The following ELOVL6 variants were observed in gnomAD, a reference collection of about 807,000 sequenced individuals.
ELOVL6 encodes the protein ELOVL fatty acid elongase 6.
In ELOVL6, 8 loss-of-function variants were observed where a neutral mutation model predicts 31.7. The ratio of observed to expected loss-of-function variants is 0.25; its 90% confidence interval spans 0.15 to 0.45. The LOEUF is 0.45. ELOVL6 is among the 20% of genes least tolerant of loss of function. ELOVL6 has a pLI of 1.00. For synonymous variants in ELOVL6, 101 were observed against 117.7 expected (o/e 0.86, Z 0.92); for missense variants, 126 against 326.4 (o/e 0.39, Z 4.73).
intron 1 of ELOVL6, among the ~76,000 whole-genome samples, chr4:110,158,573 C>CTA (rs1179125537): frequency 9.2e-5 from 12 of 130,574 alleles, no homozygotes; most frequent in Non-Finnish European, 1.9e-4. Context: ...ATATATACAT[C>CTA]TATATATATA....
At chr4:110,176,153 T>TATTG (rs1423518560) in intron 1 of ELOVL6, among the ~76,000 whole-genome samples, 2 of 151,438 alleles carry the variant, frequency 1.3e-5, no homozygotes, top group Non-Finnish European at 3.0e-5. Flanking sequence ...GTTTCTACCT[T>TATTG]ATTTATTTAT....
intron 1 of ELOVL6, among the ~76,000 whole-genome samples, chr4:110,141,855 G>GTATA (rs57733252): frequency 0.066 from 8,314 of 126,548 alleles, 368 homozygotes; most frequent in East Asian, 0.14. Context: ...AATACAATTA[G>GTATA]TATATATATA....
intron 2 of ELOVL6, among the ~76,000 whole-genome samples, chr4:110,084,019 A>T (rs13119447): frequency 1.1e-3 from 5 of 4,488 alleles, no homozygotes; most frequent in East Asian, 0.018. Context: ...ATGGTATATA[A>T]CATATGCCAT....
Position 110,084,588 on chromosome 4 carries a change from A to ATTTT in ELOVL6, c.221+20905_221+20908dup, listed in dbSNP as rs1168880044. ...GATATATATATATATATATATATATATTTTTTTTTTTTTTTTTTTTTTTTG... is the reference window on the plus strand; with the variant it reads ...GATATATATATATATATATATATATATTTTTTTTTTTTTTTTTTTTTTTTTTTTG... On this transcript the variant is annotated intron_variant, in intron 2 of 3. Transcript: ENST00000302274. 8.8e-4 allele frequency among the ~76,000 whole-genome samples: 26 copies of ATTTT among 29,642 alleles called. 1 individual carries two copies. Among genetic ancestry groups the ATTTT allele is most frequent in the African/African-American group, 2.6e-3 (12 of 4,580 alleles). 19.4% of individuals were successfully genotyped at this position (29,642 alleles called of 152,430 possible). A position where few individuals can be genotyped will look rare whatever the true frequency, so the allele number is the denominator to read the frequency against.
intron 2 of ELOVL6, among the ~76,000 whole-genome samples, chr4:110,062,609 A>C (rs1031121881): frequency 6.6e-6 from 1 of 152,222 alleles, no homozygotes; most frequent in African/African-American, 2.4e-5. Context: ...CCCAAGTTAC[A>C]TTAGCTTGAG....
intron 1 of ELOVL6, among the ~76,000 whole-genome samples, chr4:110,157,372 A>C (rs1178609536): frequency 6.6e-6 from 1 of 152,106 alleles, no homozygotes; most frequent in Non-Finnish European, 1.5e-5. Flanking sequence ...TGAATACTCT[A>C]AAATATGTCT....
At chr4:110,084,266 ATG>A (rs1258519589) in intron 2 of ELOVL6, among the ~76,000 whole-genome samples, 1 of 122,752 alleles carries the variant, frequency 8.1e-6, no homozygotes, top group African/African-American at 3.6e-5. Flanking sequence ...TATAGCTTAT[ATG>A]TGATATATAA....
chr4:110,192,189 CAAGAAAAAAAAAAAAAAGA>C (rs1759643428), intron 1 of ELOVL6, among the ~76,000 whole-genome samples: 1 of 100,716 alleles, frequency 9.9e-6, no homozygotes, highest in Non-Finnish European at 2.1e-5. Flanking sequence ...AAACTCCATC[CAAGAAAAAAAAAAAAAAGA>C]AAGAAAGAAA....
intron 1 of ELOVL6, among the ~76,000 whole-genome samples, chr4:110,187,442 A>G (rs568974794): frequency 6.6e-6 from 1 of 151,720 alleles, no homozygotes; most frequent in African/African-American, 2.4e-5. Flanking sequence ...ACCTCAGCAA[A>G]ATGAAAAAAA....
intron 1 of ELOVL6, among the ~76,000 whole-genome samples, chr4:110,196,107 T>A (rs1560867988): frequency 6.6e-6 from 1 of 152,006 alleles, no homozygotes; most frequent in Non-Finnish European, 1.5e-5. Context: ...GCCTAGGAAG[T>A]GGCCTCAGAG....
Position 110,051,571 on chromosome 4 carries a change from G to A in ELOVL6, c.565C>T (p.Arg189Ter). ...SYYALRAAGF[R>*]VSRKFAMFIT... is the part of the protein sequence containing the mutation. ...AACATGGCAAACTTCCGGGAGACTC[G>A]GAAACCTGCCGCCCGCAAGGCATAG... The change falls in exon 4 of 4, where the codon CGA becomes TGA. Residue 189 changes from arginine to a stop codon, truncating the protein, a stop_gained. Coordinates refer to ENST00000302274, the MANE Select transcript of ELOVL6 (RefSeq NM_024090.3). LOFTEE classifies it high-confidence loss of function. The surrounding 1 kb of genome is among the most constrained non-coding windows in gnomAD (Gnocchi z 4.8). 6.2e-7 allele frequency: 1 copy of A among 1,614,182 alleles called. No homozygotes were observed. Among genetic ancestry groups the A allele is most frequent in the Non-Finnish European group, 8.5e-7 (1 of 1,180,030 alleles).
chr4:110,051,993 A>G lies in ELOVL6; in HGVS notation c.374-231T>C, dbSNP rs769952484. ...GTGATAATTTAAAAGAGTAGCATGG[A>G]ATCACCTGAGGATTAAGTAGGATAA... On this transcript the variant is annotated intron_variant, in intron 3 of 3. Coordinates refer to ENST00000302274, the MANE Select transcript of ELOVL6 (RefSeq NM_024090.3). The surrounding 1 kb of genome is among the most constrained non-coding windows in gnomAD (Gnocchi z 4.8). 2.0e-5 allele frequency among the ~76,000 whole-genome samples: 3 copies of G among 152,206 alleles called. No individual in the cohort carries two copies. The highest frequency in any genetic ancestry group is 1.3e-4 in the Admixed American group (2 of 15,284).
chr4:110,055,168 A>AG (rs1226123964), intron 3 of ELOVL6, among the ~76,000 whole-genome samples: 1 of 152,216 alleles, frequency 6.6e-6, no homozygotes, highest in Non-Finnish European at 1.5e-5. Context: ...CCACTCTGGC[A>AG]GGTACAAATT....
chr4:110,113,861 C>T (rs1412273849), intron 1 of ELOVL6, among the ~76,000 whole-genome samples: 1 of 152,122 alleles, frequency 6.6e-6, no homozygotes, highest in Non-Finnish European at 1.5e-5. Context: ...AATTTCATTG[C>T]ACTAATTTTC....
chr4:110,175,757 A>C (rs1759084504), intron 1 of ELOVL6, among the ~76,000 whole-genome samples: 1 of 152,194 alleles, frequency 6.6e-6, no homozygotes, highest in Non-Finnish European at 1.5e-5. Flanking sequence ...CTATCATATG[A>C]TCCAACAGAG....
chr4:110,105,289 G>A (rs761721187), intron 2 of ELOVL6, among the ~76,000 whole-genome samples: 5 of 152,118 alleles, frequency 3.3e-5, no homozygotes, highest in Non-Finnish European at 7.4e-5. Flanking sequence ...ACAAGAGATG[G>A]CCTGACACCT....
chr4:110,083,390 A>G lies in ELOVL6; in HGVS notation c.221+22107T>C, dbSNP rs538753561. On this transcript the variant is annotated intron_variant, in intron 2 of 3. Coordinates refer to ENST00000302274, the MANE Select transcript of ELOVL6 (RefSeq NM_024090.3). ...GGCTGGCCAAGACCTAGAGAAGAAC[A>G]TACCAGGTAGAGGGATAAATCACTA... Among the ~76,000 whole-genome samples, 30 of 151,714 alleles carry G rather than the reference A, an allele frequency of 2.0e-4. 1 individual carries two copies. Among genetic ancestry groups the G allele is most frequent in the Non-Finnish European group, 4.0e-4 (27 of 68,036 alleles).
chr4:110,153,765 A>C (rs1298212463), intron 1 of ELOVL6, among the ~76,000 whole-genome samples: 6 of 152,202 alleles, frequency 3.9e-5, no homozygotes, highest in Non-Finnish European at 5.9e-5. Context: ...ATTTAAACTA[A>C]CAGATCTTCA....
intron 2 of ELOVL6, among the ~76,000 whole-genome samples, chr4:110,100,783 C>T (rs142384939): frequency 9.0e-4 from 137 of 152,252 alleles, no homozygotes; most frequent in African/African-American, 2.9e-3. Flanking sequence ...TGGCAAAGGA[C>T]GGGGAGATGG....
Sources: allele counts gnomAD v4.1 joint callset (sites outside exome capture counted in the v4.1 genomes callset), GRCh38; gene constraint gnomAD v4.1.1; non-coding constraint Gnocchi (gnomAD v3.1); transcripts MANE v1.5; gene names NCBI Gene and HGNC (gene_info 2026-07-23, HGNC 2026-07-21).